The following TTLL10 variants were observed in gnomAD, a reference collection of about 807,000 sequenced individuals.
TTLL10 encodes the protein tubulin tyrosine ligase like 10, also known as inactive polyglycylase TTLL10.
TTLL10 carries 61 observed loss-of-function variants against 69.0 expected under a neutral mutation model. That is an observed-to-expected ratio of 0.88 (90% confidence interval 0.72 to 1.09). The LOEUF (loss-of-function observed/expected upper bound fraction) is 1.09. Among genes scored for constraint, TTLL10 ranks in the 50% least tolerant of loss-of-function variants. TTLL10 has a pLI of 0.00. For missense variants in TTLL10, 962 were observed against 945.9 expected (o/e 1.02, Z -0.22); for synonymous variants, 408 against 393.3 (o/e 1.04, Z -0.44).
At position 1,190,813 on chromosome 1, in the gene TTLL10, GTATTTT is replaced by G. The variant is rs938651731; in HGVS notation, c.1401+5718_1401+5723del. Among the ~76,000 whole-genome samples, 10 of 152,090 alleles carry G rather than the reference GTATTTT, an allele frequency of 6.6e-5. No individual in the cohort carries two copies. In the East Asian group the frequency reaches 9.6e-4, roughly 15 times the overall value. ...TGTCTTCATTTTCATTTGTCTCAAA[GTATTTT>G]TATTTTTATTTTTTATTTTATTTGA... On this transcript the variant is annotated intron_variant, in intron 13 of 15. Coordinates refer to ENST00000379289, the MANE Select transcript of TTLL10 (RefSeq NM_001130045.2).
chr1:1,186,249 C>G (rs112086160), intron 13 of TTLL10, among the ~76,000 whole-genome samples: 2 of 152,062 alleles, frequency 1.3e-5, no homozygotes, highest in Admixed American at 1.3e-4. Flanking sequence ...CCACCACGCG[C>G]GGCTAATTTT....
chr1:1,179,523 GT>G, intron 4 of TTLL10, 133 bp from the exon 5 acceptor site: 1 of 1,433,656 alleles, frequency 7.0e-7, no homozygotes, highest in Non-Finnish European at 9.4e-7. Context: ...GAGGGGAGCT[GT>G]CGCGCTCCGC....
intron 15 of TTLL10, 54 bp downstream of exon 15, chr1:1,197,240 C>G: frequency 6.8e-7 from 1 of 1,468,058 alleles, no homozygotes; most frequent in Non-Finnish European, 9.3e-7. Flanking sequence ...GTCTTGAATG[C>G]CTACCTGCCC....
Position 1,185,045 on chromosome 1 carries a change from A to C in TTLL10, c.1337A>C (p.Tyr446Ser). The C allele has an allele frequency of 6.2e-7, 1 of 1,614,060 alleles. No homozygotes were observed. The highest frequency in any genetic ancestry group is 8.5e-7 in the Non-Finnish European group (1 of 1,180,006). ...TVWSMEHLNRYISDTFWKARG... is the reference protein window; with the variant it reads ...TVWSMEHLNRSISDTFWKARG... ...TGGAGCATGGAACACCTCAACCGCT[A>C]CATCAGTGACACGTTCTGGAAGGCC... is the stretch of plus-strand genomic sequence containing the variant. Residue 446 changes from tyrosine (Y) to serine (S), a missense_variant, in exon 13 of 16, where the codon TAC becomes TCC. By Grantham distance (144) the Tyr-to-Ser change is moderately radical. Transcript: ENST00000379289. This position sits in a 1 kb window ranked among gnomAD's most constrained non-coding sequence, Gnocchi z 6.1.
chr1:1,180,826 A>C lies in TTLL10; in HGVS notation c.721A>C (p.Lys241Gln), dbSNP rs1647034929. Reference protein sequence around the residue: ...TLRGRARAMSKASKVPGGVQA... With the variant: ...TLRGRARAMSQASKVPGGVQA... ...TCGGGGACGGGCACGGGCCATGAGC[A>C]AGGCCAGCAAGGTGCCGGGGGGGGT... Residue 241 changes from lysine to glutamine, a missense_variant, in exon 8 of 16, where the codon AAG becomes CAG. Coordinates refer to ENST00000379289, the MANE Select transcript of TTLL10 (RefSeq NM_001130045.2). 6.3e-7 allele frequency: 1 copy of C among 1,594,042 alleles called. No homozygotes were observed.
chr1:1,174,174 G>C (rs11260537), intron 1 of TTLL10, 111 bp from the exon 2 acceptor site: 16,887 of 152,440 alleles, frequency 0.11, 1,389 homozygotes, highest in African/African-American at 0.23. Flanking sequence ...TGGGGTGGGA[G>C]GGCTGGGCAG....
chr1:1,197,541 G>A lies in TTLL10; in HGVS notation c.1716G>A (p.Pro572=), dbSNP rs761877630. The A allele has an allele frequency of 9.6e-5, 147 of 1,526,348 alleles. No individual in the cohort carries two copies. In the East Asian group the frequency reaches 2.2e-3, roughly 22 times the overall value. 94.6% of individuals were successfully genotyped at this position (1,526,348 alleles called of 1,614,324 possible). The stretch of plus-strand genomic sequence containing the variant: ...TCCTGCACAACGGTGAGGCCGACCC[G>A]CGGCCGCACCTGGGGGGCTCGTGCA... The part of the protein sequence containing the change: ...FVLLHNGEAD[P]RPHLGGSCSL... Residue 572 remains proline, a synonymous_variant, in exon 16 of 16, where the codon CCG becomes CCA. Transcript: ENST00000379289.
chr1:1,195,336 T>C (rs2100922613), intron 13 of TTLL10, among the ~76,000 whole-genome samples: 1 of 152,194 alleles, frequency 6.6e-6, no homozygotes, highest in Non-Finnish European at 1.5e-5. Flanking sequence ...TCAATTGGCC[T>C]ATCTGCAAAC....
chr1:1,179,394 G>C, intron 4 of TTLL10, 61 bp downstream of exon 4: 1 of 1,466,458 alleles, frequency 6.8e-7, no homozygotes, highest in Non-Finnish European at 9.3e-7. Context: ...CCCTGGGACG[G>C]GTGCCCCATA....
intron 3 of TTLL10, among the ~76,000 whole-genome samples, chr1:1,176,951 GGTTT>G (rs1424903440): frequency 1.3e-5 from 2 of 152,140 alleles, no homozygotes; most frequent in Admixed American, 6.6e-5. Context: ...TTTCCAGGCT[GGTTT>G]GTTTCCCTGT....
At chr1:1,183,315 T>A (rs964527577) in intron 11 of TTLL10, among the ~76,000 whole-genome samples, 7 of 152,180 alleles carry the variant, frequency 4.6e-5, no homozygotes, top group African/African-American at 1.7e-4. Flanking sequence ...TGGCCTGGCC[T>A]GGGTGGCCTC....
At chr1:1,176,917 G>T (rs1417409434) in intron 3 of TTLL10, among the ~76,000 whole-genome samples, 1 of 152,156 alleles carries the variant, frequency 6.6e-6, no homozygotes. Context: ...TCTCTGAGGG[G>T]TCCTGTCTCC....
chr1:1,183,877 G>A (rs761881781), intron 11 of TTLL10, 43 bp from the exon 12 acceptor site: 2 of 1,611,448 alleles, frequency 1.2e-6, no homozygotes, highest in South Asian at 2.2e-5. Context: ...AGGCCAGGCT[G>A]GCCCCGTGGC....
At chr1:1,176,782 C>T (rs111785062) in intron 3 of TTLL10, among the ~76,000 whole-genome samples, 10 of 152,366 alleles carry the variant, frequency 6.6e-5, no homozygotes, top group African/African-American at 1.7e-4. Context: ...TTTACACCCA[C>T]AGTCCCATCC....
At position 1,180,837 on chromosome 1, in the gene TTLL10, G is replaced by A. The variant is rs767501241; in HGVS notation, c.732G>A (p.Lys244=). 6.3e-7 allele frequency: 1 copy of A among 1,583,672 alleles called. No individual in the cohort carries two copies. The highest frequency in any genetic ancestry group is 1.2e-5 in the South Asian group (1 of 86,722). The change falls in exon 8 of 16, where the codon AAG becomes AAA. Residue 244 remains lysine (K), a synonymous_variant. Transcript: ENST00000379289. ...CACGGGCCATGAGCAAGGCCAGCAA[G>A]GTGCCGGGGGGGGTCCAGGCCAGGT... ...GRARAMSKAS[K]VPGGVQARLE...
At chr1:1,178,310 A>G (rs1459524851) in intron 3 of TTLL10, among the ~76,000 whole-genome samples, 1 of 152,174 alleles carries the variant, frequency 6.6e-6, no homozygotes, top group Non-Finnish European at 1.5e-5. Context: ...CTGTTATCCC[A>G]GCACTTTCAG....
intron 11 of TTLL10, 61 bp downstream of exon 11, chr1:1,183,108 T>C: frequency 1.3e-6 from 2 of 1,515,134 alleles, no homozygotes; most frequent in East Asian, 2.5e-5. Context: ...GCCCCACTGG[T>C]GCAGTCAGCA....
At chr1:1,183,585 C>T (rs974735603) in intron 11 of TTLL10, among the ~76,000 whole-genome samples, 1 of 152,178 alleles carries the variant, frequency 6.6e-6, no homozygotes, top group African/African-American at 2.4e-5. Flanking sequence ...CTCCGCCTGG[C>T]GCACCCCCTC....
At chr1:1,180,385 C>G in intron 6 of TTLL10, 45 bp downstream of exon 6, 1 of 1,539,470 alleles carries the variant, frequency 6.5e-7, no homozygotes, top group Non-Finnish European at 8.8e-7. Flanking sequence ...GAATACCCAC[C>G]GCCTGCTCCC....
Sources: allele counts gnomAD v4.1 joint callset (sites outside exome capture counted in the v4.1 genomes callset), GRCh38; gene constraint gnomAD v4.1.1; non-coding constraint Gnocchi (gnomAD v3.1); transcripts MANE v1.5; gene names NCBI Gene and HGNC (gene_info 2026-07-23, HGNC 2026-07-21).